Variants in RILPL1 observed in about 807,000 individuals in gnomAD.
The protein encoded by RILPL1 is Rab interacting lysosomal protein like 1, also known as RILP-like protein 1.
Under a neutral mutation model 50.3 loss-of-function variants are expected in RILPL1, and 33 were observed. The ratio of observed to expected loss-of-function variants is 0.66; its 90% confidence interval spans 0.50 to 0.88. The LOEUF (loss-of-function observed/expected upper bound fraction) is 0.88. Among genes scored for constraint, RILPL1 ranks in the 40% least tolerant of loss-of-function variants. The pLI, the probability that RILPL1 is intolerant of heterozygous loss-of-function variation, is 0.00. For synonymous variants in RILPL1, 205 were observed against 228.6 expected (o/e 0.90, Z 0.93); for missense variants, 418 against 542.5 (o/e 0.77, Z 2.28).
At position 123,533,279 on chromosome 12, in the gene RILPL1, G is replaced by A. The variant is rs1435240090; in HGVS notation, c.204C>T (p.Val68=). ...GCTCGGGCGCGACGTGGTGGCGGCT[G>A]ACCAGCACCTCCAGGATCTCCAGGA... The part of the protein sequence containing the change: ...VRVLEILEVL[V]SRHHVAPELD... The change falls in exon 1 of 7, where the codon GTC becomes GTT. Residue 68 remains valine (V), a synonymous_variant. Transcript: ENST00000376874. The surrounding 1 kb of genome is among the most constrained non-coding windows in gnomAD (Gnocchi z 6.2). The A allele has an allele frequency of 6.3e-7, 1 of 1,587,544 alleles. No individual in the cohort carries two copies. Among genetic ancestry groups the A allele is most frequent in the South Asian group, 1.1e-5 (1 of 87,764 alleles).
chr12:123,472,688 G>C lies in RILPL1; in HGVS notation c.1068-6C>G, dbSNP rs751190241. 1.9e-6 allele frequency: 3 copies of C among 1,593,152 alleles called. No homozygotes were observed. Among genetic ancestry groups the C allele is most frequent in the East Asian group, 4.5e-5 (2 of 44,192 alleles). On this transcript the variant is annotated splice_polypyrimidine_tract_variant and splice_region_variant and intron_variant, in intron 6 of 6. Transcript: ENST00000376874. The stretch of plus-strand genomic sequence containing the variant: ...CTCGGGAGAAGAAGCTAAACCTTTG[G>C]AAGGGAAAGCAAACACAGAAATGAG...
intron 2 of RILPL1, 137 bp from the exon 3 acceptor site, chr12:123,499,673 A>C: frequency 1.5e-6 from 1 of 664,802 alleles, no homozygotes; most frequent in Non-Finnish European, 2.7e-6. Flanking sequence ...TCCACTCTCC[A>C]CTCACGCCCT....
intron 2 of RILPL1, among the ~76,000 whole-genome samples, chr12:123,505,097 G>C (rs539406673): frequency 6.6e-6 from 1 of 152,102 alleles, no homozygotes; most frequent in Admixed American, 6.6e-5. Context: ...CTGGAGTGCA[G>C]TGGCACGATC....
At position 123,510,990 on chromosome 12, in the gene RILPL1, GGTCT is replaced by G. The variant is rs775200478; in HGVS notation, c.461-11458_461-11455del. Among the ~76,000 whole-genome samples, 10 of 141,320 alleles carry G rather than the reference GGTCT, an allele frequency of 7.1e-5. No individual in the cohort carries two copies. The Admixed American group carries it at 7.1e-4, about 10-fold the overall frequency. 92.7% of individuals were successfully genotyped at this position (141,320 alleles called of 152,430 possible). On this transcript the variant is annotated intron_variant, in intron 2 of 6. Coordinates refer to ENST00000376874, the MANE Select transcript of RILPL1 (RefSeq NM_178314.5). ...GTCTGTGTGTGTGTGGTGTGTGTGA[GGTCT>G]GTGTGTGTGGTGTGTGCAGTGTGAG... is the stretch of plus-strand genomic sequence containing the variant.
rs576412179 is a variant in RILPL1, at chr12:123,522,175, G to A, written c.460+1320C>T. Among the ~76,000 whole-genome samples, 17 of 152,354 alleles carry A rather than the reference G, an allele frequency of 1.1e-4. No individual in the cohort carries two copies. The South Asian group carries it at 3.3e-3, about 30-fold the overall frequency. ...CATCAAACATGAGGAAGAGGCTCAT[G>A]TGGGGAGCTAAGGAGTTTCTCAGAA... On this transcript the variant is annotated intron_variant, in intron 2 of 6. Transcript: ENST00000376874. This position sits in a 1 kb window ranked among gnomAD's most constrained non-coding sequence, Gnocchi z 4.0.
chr12:123,511,685 GGT>G (rs144022657), intron 2 of RILPL1, among the ~76,000 whole-genome samples: 16,574 of 124,168 alleles, frequency 0.13, 1,642 homozygotes, highest in Non-Finnish European at 0.18. Flanking sequence ...TGTGGTGTGT[GGT>G]GTGTGTGTGT....
intron 2 of RILPL1, among the ~76,000 whole-genome samples, chr12:123,507,580 A>G (rs1351327889): frequency 6.8e-6 from 1 of 147,970 alleles, no homozygotes; most frequent in African/African-American, 2.5e-5. Flanking sequence ...AAAAAAAAAG[A>G]TGTATGTGTG....
chr12:123,478,080 G>A (rs1461309180), intron 6 of RILPL1, among the ~76,000 whole-genome samples: 1 of 137,772 alleles, frequency 7.3e-6, no homozygotes, highest in Non-Finnish European at 1.5e-5. Context: ...CACTGCAGCC[G>A]CGACCTCCTG....
intron 4 of RILPL1, among the ~76,000 whole-genome samples, chr12:123,486,266 C>A (rs1038912369): frequency 6.6e-6 from 1 of 152,154 alleles, no homozygotes; most frequent in Non-Finnish European, 1.5e-5. Context: ...AAGTCATATC[C>A]ATTTTCCCTG....
chr12:123,477,012 A>G (rs953726447), intron 6 of RILPL1, among the ~76,000 whole-genome samples: 1 of 152,190 alleles, frequency 6.6e-6, no homozygotes, highest in African/African-American at 2.4e-5. Flanking sequence ...GCGCCAGGCG[A>G]GAACCAGGAG....
Position 123,497,107 on chromosome 12 carries a change from G to A in RILPL1, c.801+1437C>T, listed in dbSNP as rs114215440. On this transcript the variant is annotated intron_variant, in intron 4 of 6. Transcript: ENST00000376874. ...GTTTTTGCAGCTCATCCGTGCTGCC[G>A]CGTGGCCAGGGCTGCATTCCTCTTT... Among the ~76,000 whole-genome samples the A allele has an allele frequency of 1.7e-3, 253 of 152,306 alleles. 2 individuals carry two copies. Among genetic ancestry groups the A allele is most frequent in the African/African-American group, 5.9e-3 (247 of 41,564 alleles).
At chr12:123,480,772 T>C (rs1057226781) in intron 6 of RILPL1, among the ~76,000 whole-genome samples, 3 of 152,158 alleles carry the variant, frequency 2.0e-5, no homozygotes, top group African/African-American at 7.2e-5. Context: ...CTGAAGGGCT[T>C]CCTCCTCCCA....
At chr12:123,490,310 G>A (rs1882610143) in intron 4 of RILPL1, among the ~76,000 whole-genome samples, 1 of 152,102 alleles carries the variant, frequency 6.6e-6, no homozygotes, top group Non-Finnish European at 1.5e-5. Context: ...CCCTATGTCT[G>A]GGCTTTCATC....
At chr12:123,484,545 C>T (rs779398269) in intron 5 of RILPL1, among the ~76,000 whole-genome samples, 1 of 152,146 alleles carries the variant, frequency 6.6e-6, no homozygotes, top group Non-Finnish European at 1.5e-5. Context: ...AAATACTACC[C>T]TATCCTTTCA....
At chr12:123,490,802 G>C (rs1487510095) in intron 4 of RILPL1, among the ~76,000 whole-genome samples, 1 of 149,688 alleles carries the variant, frequency 6.7e-6, no homozygotes, top group Admixed American at 6.7e-5. Flanking sequence ...CCAGGCTAGA[G>C]TGCAATGGCA....
chr12:123,512,336 G>GT, intron 2 of RILPL1, among the ~76,000 whole-genome samples: 1 of 133,346 alleles, frequency 7.5e-6, no homozygotes, highest in South Asian at 2.5e-4. Flanking sequence ...GTCTCTGTGT[G>GT]GTGTGTGAGG....
Position 123,471,863 on chromosome 12 carries a change from C to CA in RILPL1, c.*674dup, listed in dbSNP as rs1491403383. On this transcript the variant is annotated 3_prime_UTR_variant, in exon 7 of 7. Transcript: ENST00000376874. ...TTTGTTTGGTTAGTACTGCATAACTCACAGCAGATTCCAAGGCACCTGCCT... is the reference window on the plus strand; with the variant it reads ...TTTGTTTGGTTAGTACTGCATAACTCAACAGCAGATTCCAAGGCACCTGCCT... 6.5e-6 allele frequency: 1 copy of CA among 152,878 alleles called. No homozygotes were observed. Among genetic ancestry groups the CA allele is most frequent in the Non-Finnish European group, 1.5e-5 (1 of 68,238 alleles). 9.5% of individuals were successfully genotyped at this position (152,878 alleles called of 1,614,324 possible). A position where few individuals can be genotyped will look rare whatever the true frequency, so the allele number is the denominator to read the frequency against.
intron 6 of RILPL1, chr12:123,473,434 GA>G (rs995507251): frequency 6.6e-6 from 1 of 152,184 alleles, no homozygotes; most frequent in Non-Finnish European, 1.5e-5. Context: ...AGAATCGCTT[GA>G]ATCTGGGAGG....
At chr12:123,476,484 A>T (rs1881599631) in intron 6 of RILPL1, among the ~76,000 whole-genome samples, 1 of 151,610 alleles carries the variant, frequency 6.6e-6, no homozygotes, top group Non-Finnish European at 1.5e-5. Context: ...TACAAATGTA[A>T]CTAGTTAAGA....
Sources: allele counts gnomAD v4.1 joint callset (sites outside exome capture counted in the v4.1 genomes callset), GRCh38; gene constraint gnomAD v4.1.1; non-coding constraint Gnocchi (gnomAD v3.1); transcripts MANE v1.5; gene names NCBI Gene and HGNC (gene_info 2026-07-23, HGNC 2026-07-21).